The following VCAN variants were observed in gnomAD, a reference collection of about 807,000 sequenced individuals.
VCAN encodes versican, also known as versican core protein.
A neutral mutation model predicts 245.5 loss-of-function variants in VCAN; 44 were observed. The observed-to-expected ratio is 0.18, with a 90% CI of 0.14 to 0.23. The LOEUF (loss-of-function observed/expected upper bound fraction) is 0.23, where lower values mean the gene tolerates loss of function less well. Ranked by LOEUF, VCAN falls within the 10% of genes least tolerant of loss-of-function variation. The pLI is 1.00. For synonymous variants in VCAN, 1,413 were observed against 1,437.0 expected (o/e 0.98, Z 0.38); for missense variants, 3,793 against 4,057.9 (o/e 0.93, Z 1.77).
Position 83,540,394 on chromosome 5 carries a change from C to T in VCAN, c.7391C>T (p.Ser2464Phe). 6.2e-7 allele frequency: 1 copy of T among 1,613,952 alleles called. No homozygotes were observed. The highest frequency in any genetic ancestry group is 8.5e-7 in the Non-Finnish European group (1 of 1,179,936). Residue 2464 changes from serine to phenylalanine, a missense_variant, in exon 8 of 15, where the codon TCC becomes TTC. Around this residue, in one of 5 missense-constraint regions of VCAN, gnomAD observed 3,182 missense variants for 3,250.3 expected, o/e 0.98. Transcript: ENST00000265077. ...ESSTTFVSDG[S>F]LEKHPEVPSA... is the part of the protein sequence containing the mutation. ...AGCACCACATTTGTTTCTGATGGGT[C>T]CCTGGAAAAACATCCTGAGGTGCCA... is the stretch of plus-strand genomic sequence containing the variant.
Position 83,522,057 on chromosome 5 carries a change from A to G in VCAN, c.3751A>G (p.Ile1251Val), listed in dbSNP as rs1746128345. The G allele has an allele frequency of 6.2e-7, 1 of 1,614,214 alleles. No homozygotes were observed. Among genetic ancestry groups the G allele is most frequent in the South Asian group, 1.1e-5 (1 of 91,084 alleles). ...AGAAACAACCAGTGACATGGTAATC[A>G]TTGGAGAATCAACATCTCATGTTCC... ...GEETTSDMVI[I>V]GESTSHVPPT... Residue 1251 changes from isoleucine (I) to valine (V), a missense_variant, in exon 7 of 15, where the codon ATT (isoleucine) becomes GTT (valine). Coordinates refer to ENST00000265077, the MANE Select transcript of VCAN (RefSeq NM_004385.5).
intron 13 of VCAN, among the ~76,000 whole-genome samples, chr5:83,575,267 G>T (rs111980644): frequency 6.6e-6 from 1 of 152,186 alleles, no homozygotes; most frequent in Non-Finnish European, 1.5e-5. Context: ...TTAGTCTGCT[G>T]TTTTCTCACC....
intron 5 of VCAN, among the ~76,000 whole-genome samples, chr5:83,499,079 AC>A (rs1432448015): frequency 6.6e-6 from 1 of 151,928 alleles, no homozygotes; most frequent in African/African-American, 2.4e-5. Flanking sequence ...CAGGGAACAC[AC>A]ACCCTTCATC....
chr5:83,579,480 G>GTC (rs1748592581), intron 13 of VCAN, among the ~76,000 whole-genome samples: 1 of 152,084 alleles, frequency 6.6e-6, no homozygotes, highest in South Asian at 2.1e-4. Context: ...GGCCAGGATG[G>GTC]TCTTAATCTC....
chr5:83,546,780 A>G (rs1188132436), intron 9 of VCAN, among the ~76,000 whole-genome samples: 1 of 152,152 alleles, frequency 6.6e-6, no homozygotes, highest in Non-Finnish European at 1.5e-5. Flanking sequence ...TTACTATATA[A>G]TATCATGTTT....
Position 83,537,318 on chromosome 5 carries a change from C to A in VCAN, c.4315C>A (p.Pro1439Thr). ...GCGTGGCCAGTTTGAAAGTGTTGCA[C>A]CTTCTCAGAATTTCTCGGACAGCTC... ...ARRGQFESVA[P>T]SQNFSDSSES... The change falls in exon 8 of 15, where the codon CCT becomes ACT. Residue 1439 changes from proline (P) to threonine (T), a missense_variant. Coordinates refer to ENST00000265077, the MANE Select transcript of VCAN (RefSeq NM_004385.5). 6.2e-7 allele frequency: 1 copy of A among 1,613,954 alleles called. No homozygotes were observed. Among genetic ancestry groups the A allele is most frequent in the Non-Finnish European group, 8.5e-7 (1 of 1,179,954 alleles).
In VCAN at chr5:83,580,494, C is replaced by T. The variant is rs919975170; in HGVS notation, c.*60C>T. On this transcript the variant is annotated 3_prime_UTR_variant, in exon 15 of 15. Coordinates refer to ENST00000265077, the MANE Select transcript of VCAN (RefSeq NM_004385.5). ...CAGCCAAAGTCCTAACTTCCTGTGC[C>T]TTTCCTATCACCTCGAGAAGTAATT... 6.2e-7 allele frequency: 1 copy of T among 1,607,168 alleles called. No homozygotes were observed. The highest frequency in any genetic ancestry group is 2.2e-5 in the East Asian group (1 of 44,594).
At position 83,580,035 on chromosome 5, in the gene VCAN, A is replaced by C; in HGVS notation, c.9936A>C (p.Lys3312Asn). 1 of 1,614,090 alleles carries C rather than the reference A, an allele frequency of 6.2e-7. No individual in the cohort carries two copies. ...VENAKTFGKM[K>N]PRYEINSLIR... ...ATGCCAAGACCTTTGGAAAGATGAA[A>C]CCTCGTTATGAAATCAACTCCCTGA... The change falls in exon 14 of 15, where the codon AAA becomes AAC. Residue 3312 changes from lysine (K) to asparagine (N), a missense_variant. By Grantham distance (94) the Lys-to-Asn change is moderately conservative (BLOSUM62 0). This residue lies in a region of VCAN where 205 missense variants were observed against 321.1 expected (regional missense o/e 0.64). Transcript: ENST00000265077.
chr5:83,580,176 T>C lies in VCAN; in HGVS notation c.10063+14T>C. 2.5e-6 allele frequency: 4 copies of C among 1,614,060 alleles called. No homozygotes were observed. Among genetic ancestry groups the C allele is most frequent in the Non-Finnish European group, 3.4e-6 (4 of 1,179,970 alleles). ...CCTGCATGAACCGTAAGTGGTCCTTTAGAAAGAATGGACTACCGTGCTATA... is the reference window on the plus strand; with the variant it reads ...CCTGCATGAACCGTAAGTGGTCCTTCAGAAAGAATGGACTACCGTGCTATA... On this transcript the variant is annotated intron_variant, in intron 14 of 14. Transcript: ENST00000265077.
rs780600250 is a variant in VCAN at position 83,540,642 on chromosome 5, C to A, written c.7639C>A (p.Leu2547Met). 1.2e-6 allele frequency: 2 copies of A among 1,613,720 alleles called. No individual in the cohort carries two copies. Among genetic ancestry groups the A allele is most frequent in the Non-Finnish European group, 1.7e-6 (2 of 1,179,944 alleles). ...KKPTENIIID[L>M]DKEDKDLILT... is the part of the protein sequence containing the mutation. ...ACCCACTGAAAATATTATCATAGAC[C>A]TGGACAAAGAGGACAAGGATTTAAT... Residue 2547 changes from leucine to methionine, a missense_variant, in exon 8 of 15, where the codon CTG (leucine) becomes ATG (methionine). Around this residue, in one of 5 missense-constraint regions of VCAN, gnomAD observed 3,182 missense variants for 3,250.3 expected, o/e 0.98. Transcript: ENST00000265077.
intron 7 of VCAN, among the ~76,000 whole-genome samples, chr5:83,525,341 T>A (rs1010138854): frequency 6.6e-6 from 1 of 152,162 alleles, no homozygotes; most frequent in Non-Finnish European, 1.5e-5. Context: ...AGGCTTTCTT[T>A]GTGAACATGC....
chr5:83,552,746 TGCA>T (rs1747517792), intron 10 of VCAN, among the ~76,000 whole-genome samples: 1 of 152,146 alleles, frequency 6.6e-6, no homozygotes, highest in Non-Finnish European at 1.5e-5. Context: ...AAAATCTTGA[TGCA>T]TTTTCATTGG....
chr5:83,505,822 T>A (rs1745465797), intron 5 of VCAN, among the ~76,000 whole-genome samples: 1 of 152,212 alleles, frequency 6.6e-6, no homozygotes, highest in Non-Finnish European at 1.5e-5. Context: ...GCTAGGCATT[T>A]CCATACATCT....
rs1328269699 is a variant in VCAN at position 83,519,827 on chromosome 5, C to T, written c.1521C>T (p.His507=). Residue 507 remains histidine (H), a synonymous_variant, in exon 7 of 15, where the codon CAC becomes CAT. Transcript: ENST00000265077. ...TAACATCTATGGAAATCTTAAAGCA[C>T]ATTCCTTCCAAGGAATTCCCTGTAA... ...PLVTSMEILK[H]IPSKEFPVTE... The T allele has an allele frequency of 6.2e-7, 1 of 1,614,144 alleles. No homozygotes were observed. Among genetic ancestry groups the T allele is most frequent in the Non-Finnish European group, 8.5e-7 (1 of 1,179,990 alleles).
intron 6 of VCAN, among the ~76,000 whole-genome samples, chr5:83,513,288 A>G (rs1745726403): frequency 6.6e-6 from 1 of 152,224 alleles, no homozygotes. Flanking sequence ...GAGTTAGGTT[A>G]TGTTGAAACA....
At position 83,540,769 on chromosome 5, in the gene VCAN, A is replaced by G. The variant is rs1580048473; in HGVS notation, c.7766A>G (p.Asp2589Gly). 6.2e-7 allele frequency: 1 copy of G among 1,614,052 alleles called. No individual in the cohort carries two copies. Among genetic ancestry groups the G allele is most frequent in the Non-Finnish European group, 8.5e-7 (1 of 1,179,978 alleles). ...DIDHTKPVYE[D>G]ILGMQTDIDT... Reference sequence around the variant, plus strand: ...GATCATACTAAACCTGTGTATGAAGACATTCTTGGAATGCAAACAGATATA... The same window carrying G: ...GATCATACTAAACCTGTGTATGAAGGCATTCTTGGAATGCAAACAGATATA... Residue 2589 changes from aspartate (D) to glycine (G), a missense_variant, in exon 8 of 15, where the codon GAC becomes GGC. By Grantham distance (94) the Asp-to-Gly change is moderately conservative (BLOSUM62 -1). Transcript: ENST00000265077.
At chr5:83,524,783 T>C (rs1746230654) in intron 7 of VCAN, among the ~76,000 whole-genome samples, 1 of 152,182 alleles carries the variant, frequency 6.6e-6, no homozygotes, top group South Asian at 2.1e-4. Context: ...AGATGTTCAA[T>C]TAATGAATTT....
chr5:83,506,817 T>C (rs948277075), intron 5 of VCAN, among the ~76,000 whole-genome samples: 20 of 152,152 alleles, frequency 1.3e-4, no homozygotes, highest in African/African-American at 4.8e-4. Flanking sequence ...CCTCAGAATC[T>C]TGGCGAGAGG....
rs372962945 is a variant in VCAN, at chr5:83,512,209, G to T, written c.855G>T (p.Ala285=). 359 of 1,614,042 alleles carry T rather than the reference G, an allele frequency of 2.2e-4. No individual in the cohort carries two copies. The highest frequency in any genetic ancestry group is 6.5e-4 in the Admixed American group (39 of 60,002). ...ARLATVGELQ[A]AWRNGFDQCD... Reference sequence around the variant, plus strand: ...TGGCAACAGTGGGGGAACTCCAGGCGGCATGGAGGAACGGCTTTGACCAGT... The same window carrying T: ...TGGCAACAGTGGGGGAACTCCAGGCTGCATGGAGGAACGGCTTTGACCAGT... The change falls in exon 6 of 15, where the codon GCG becomes GCT. Residue 285 remains alanine (A), a synonymous_variant. Coordinates refer to ENST00000265077, the MANE Select transcript of VCAN (RefSeq NM_004385.5).
Sources: allele counts gnomAD v4.1 joint callset (sites outside exome capture counted in the v4.1 genomes callset), GRCh38; gene constraint gnomAD v4.1.1; regional missense constraint gnomAD v4.1.1; transcripts MANE v1.5; gene names NCBI Gene and HGNC (gene_info 2026-07-23, HGNC 2026-07-21).